The following GNG7 variants were observed in gnomAD, a reference collection of about 807,000 sequenced individuals.
GNG7 encodes guanine nucleotide-binding protein G(I)/G(S)/G(O) subunit gamma-7.
A neutral mutation model predicts 4.0 loss-of-function variants in GNG7; 1 was observed. That is an observed-to-expected ratio of 0.25 (90% CI 0.09 to 1.18). The LOEUF (loss-of-function observed/expected upper bound fraction) is 1.18. GNG7 is among the 50% of genes most tolerant of loss of function. The pLI is 0.50. For missense variants in GNG7, 86 were observed against 91.9 expected (o/e 0.94, Z 0.26); for synonymous variants, 34 against 36.9 (o/e 0.92, Z 0.29).
intron 2 of GNG7, among the ~76,000 whole-genome samples, chr19:2,585,306 G>A (rs1047489912): frequency 5.9e-5 from 9 of 152,142 alleles, no homozygotes; most frequent in South Asian, 4.1e-4. Context: ...TAGCATATAT[G>A]CCATATAAGT....
chr19:2,625,698 G>A (rs1278340786), intron 2 of GNG7, among the ~76,000 whole-genome samples: 4 of 152,216 alleles, frequency 2.6e-5, no homozygotes, highest in Non-Finnish European at 5.9e-5. Flanking sequence ...AGGAGATGAG[G>A]GTGTGAGAGG....
Position 2,683,137 on chromosome 19 carries a change from G to A in GNG7, c.-135+19509C>T, listed in dbSNP as rs543541920. Among the ~76,000 whole-genome samples the A allele has an allele frequency of 1.6e-4, 25 of 152,094 alleles. No individual in the cohort carries two copies. The East Asian group carries it at 4.1e-3, about 25-fold the overall frequency. On this transcript the variant is annotated intron_variant, in intron 1 of 4. Transcript: ENST00000382159. ...GCCTGTAATCCCAGCTACTCGGGAC[G>A]CTGAGGCACGAGAATCGCTTGAACC... is the stretch of plus-strand genomic sequence containing the variant.
rs1404976247 is a variant in GNG7, at chr19:2,513,596, C to G, written c.*1426G>C. ...TCCTGCGTCTAAGGCATCTCCCGGCCTCAGACAGCCGTCCTGGGTTGCACG... is the reference window on the plus strand; with the variant it reads ...TCCTGCGTCTAAGGCATCTCCCGGCGTCAGACAGCCGTCCTGGGTTGCACG... On this transcript the variant is annotated 3_prime_UTR_variant, in exon 5 of 5. Transcript: ENST00000382159. 42 of 985,310 alleles carry G rather than the reference C, an allele frequency of 4.3e-5. No homozygotes were observed. The highest frequency in any genetic ancestry group is 4.9e-5 in the Non-Finnish European group (41 of 829,944). 61.0% of individuals were successfully genotyped at this position (985,310 alleles called of 1,614,324 possible). A position where few individuals can be genotyped will look rare whatever the true frequency, so the allele number is the denominator to read the frequency against.
chr19:2,669,975 A>C lies in GNG7; in HGVS notation c.-134-23695T>G, dbSNP rs979455171. Among the ~76,000 whole-genome samples the C allele has an allele frequency of 3.7e-4, 56 of 149,490 alleles. 2 individuals carry two copies. The East Asian group carries it at 7.1e-3, about 19-fold the overall frequency. On this transcript the variant is annotated intron_variant, in intron 1 of 4. Coordinates refer to ENST00000382159, the MANE Select transcript of GNG7 (RefSeq NM_052847.3). ...CAGTGAGCTGAGATCGCGCCAATGC[A>C]CTCCAGACTGGGTGACAGAGCGAGA...
intron 2 of GNG7, among the ~76,000 whole-genome samples, chr19:2,595,922 G>C (rs1981005033): frequency 6.6e-6 from 1 of 152,026 alleles, no homozygotes; most frequent in Non-Finnish European, 1.5e-5. Context: ...GTGGCACTGA[G>C]TCATCTCAGG....
At chr19:2,612,741 G>A (rs561487303) in intron 2 of GNG7, among the ~76,000 whole-genome samples, 8 of 125,776 alleles carry the variant, frequency 6.4e-5, no homozygotes, top group Admixed American at 2.8e-4. Flanking sequence ...TTGCTGTGTC[G>A]CCCAGGCAGC....
At chr19:2,562,189 C>G (rs759065579) in intron 2 of GNG7, among the ~76,000 whole-genome samples, 2 of 152,212 alleles carry the variant, frequency 1.3e-5, no homozygotes, top group African/African-American at 4.8e-5. Flanking sequence ...GAGCCAGAGC[C>G]GTGAGTCACC....
At chr19:2,574,484 C>T (rs368818849) in intron 2 of GNG7, among the ~76,000 whole-genome samples, 1 of 152,262 alleles carries the variant, frequency 6.6e-6, no homozygotes, top group African/African-American at 2.4e-5. Flanking sequence ...ACACAGGATA[C>T]GTCCTTTTGT....
At chr19:2,658,090 G>C (rs1417307673) in intron 1 of GNG7, among the ~76,000 whole-genome samples, 1 of 152,052 alleles carries the variant, frequency 6.6e-6, no homozygotes, top group African/African-American at 2.4e-5. Flanking sequence ...GGTGGTAGTG[G>C]TCCCCCGGGC....
chr19:2,570,972 A>T (rs949658654), intron 2 of GNG7, among the ~76,000 whole-genome samples: 9 of 146,392 alleles, frequency 6.1e-5, no homozygotes, highest in Non-Finnish European at 9.1e-5. Flanking sequence ...TAATGTTTGT[A>T]TTTTTTTTTT....
chr19:2,589,967 G>A (rs11880600), intron 2 of GNG7, among the ~76,000 whole-genome samples: 33,981 of 151,758 alleles, frequency 0.22, 5,290 homozygotes, highest in East Asian at 0.52. Flanking sequence ...ATGCACTGCC[G>A]TACTCAGCTA....
chr19:2,680,356 G>T (rs1334178772), intron 1 of GNG7, among the ~76,000 whole-genome samples: 2 of 151,784 alleles, frequency 1.3e-5, no homozygotes, highest in Non-Finnish European at 2.9e-5. Flanking sequence ...CACCATCTTG[G>T]CCAGGCTGGT....
At chr19:2,531,554 G>A (rs565714298) in intron 3 of GNG7, among the ~76,000 whole-genome samples, 55 of 152,096 alleles carry the variant, frequency 3.6e-4, no homozygotes, top group Non-Finnish European at 5.0e-4. Context: ...GGTGGCTCAC[G>A]AGGTCAGGAG....
At chr19:2,553,893 GTAA>G (rs1979456952) in intron 3 of GNG7, among the ~76,000 whole-genome samples, 2 of 142,502 alleles carry the variant, frequency 1.4e-5, no homozygotes, top group South Asian at 2.1e-4. Context: ...CATATTCTAT[GTAA>G]TATTACATAC....
chr19:2,682,216 G>A (rs893518253), intron 1 of GNG7, among the ~76,000 whole-genome samples: 2 of 152,028 alleles, frequency 1.3e-5, no homozygotes, highest in African/African-American at 4.8e-5. Context: ...GCCTGAAGCT[G>A]ATAGTTTTTA....
At chr19:2,568,789 CATATACACGCACAT>C (rs1200218110) in intron 2 of GNG7, among the ~76,000 whole-genome samples, 9 of 151,338 alleles carry the variant, frequency 5.9e-5, no homozygotes, top group Admixed American at 3.9e-4. Context: ...CACATACACA[CATATACACGCACAT>C]ATATACACAC....
intron 3 of GNG7, among the ~76,000 whole-genome samples, chr19:2,534,399 C>T (rs1238299836): frequency 6.6e-6 from 1 of 152,234 alleles, no homozygotes; most frequent in Non-Finnish European, 1.5e-5. Context: ...AAACCACCAG[C>T]AGCTTCCAAT....
At chr19:2,583,475 C>T (rs1204184007) in intron 2 of GNG7, among the ~76,000 whole-genome samples, 1 of 152,196 alleles carries the variant, frequency 6.6e-6, no homozygotes, top group Non-Finnish European at 1.5e-5. Context: ...CCCCACCCTC[C>T]AGCTTTGCCC....
intron 1 of GNG7, among the ~76,000 whole-genome samples, chr19:2,686,453 C>A (rs910748888): frequency 6.6e-6 from 1 of 151,886 alleles, no homozygotes; most frequent in Non-Finnish European, 1.5e-5. Context: ...CCACCGTACC[C>A]GGCCTCCCCC....
Sources: gnomAD v4.1 joint callset for allele counts (sites outside exome capture counted in the v4.1 genomes callset) on GRCh38, gnomAD v4.1.1 for gene constraint, MANE v1.5 for transcripts, NCBI Gene and HGNC (gene_info 2026-07-23, HGNC 2026-07-21) for gene names.